SEMA6D: variants seen among roughly 807,000 people sequenced by gnomAD.
SEMA6D encodes the protein semaphorin 6D, also known as semaphorin-6D.
Under a neutral mutation model 106.6 loss-of-function variants are expected in SEMA6D, and 35 were observed. The observed-to-expected ratio is 0.33, with a 90% CI of 0.25 to 0.44. The LOEUF is 0.44. SEMA6D is among the 20% of genes least tolerant of loss of function. SEMA6D has a pLI of 1.00. For synonymous variants in SEMA6D, 499 were observed against 487.7 expected (o/e 1.02, Z -0.31); for missense variants, 1,185 against 1,345.9 (o/e 0.88, Z 1.87).
chr15:47,439,207 T>G (rs1313136994), intron 2 of SEMA6D, among the ~76,000 whole-genome samples: 1 of 152,156 alleles, frequency 6.6e-6, no homozygotes, highest in African/African-American at 2.4e-5. Flanking sequence ...ATTTATTTCA[T>G]TAGCAATGTT....
At chr15:47,469,662 G>A (rs16959549) in intron 2 of SEMA6D, among the ~76,000 whole-genome samples, 49,518 of 151,794 alleles carry the variant, frequency 0.33, 8,237 homozygotes, top group Middle Eastern at 0.45. Flanking sequence ...GTACTTTGCT[G>A]GATATTGGAG....
chr15:47,314,320 C>T (rs116531000), intron 1 of SEMA6D, among the ~76,000 whole-genome samples: 2,207 of 152,004 alleles, frequency 0.015, 54 homozygotes, highest in African/African-American at 0.05. Flanking sequence ...CTTTGTAGAC[C>T]GGGCGCGGTG....
chr15:47,390,289 T>C (rs1007192762), intron 1 of SEMA6D, among the ~76,000 whole-genome samples: 10 of 152,170 alleles, frequency 6.6e-5, no homozygotes, highest in African/African-American at 2.2e-4. Flanking sequence ...TGAGCCCAAC[T>C]GTGTGAGCAC....
chr15:47,712,211 A>G (rs193300092), intron 4 of SEMA6D, among the ~76,000 whole-genome samples: 1 of 152,322 alleles, frequency 6.6e-6, no homozygotes, highest in African/African-American at 2.4e-5. Context: ...TTGACATTGA[A>G]GCACACATTT....
In SEMA6D at chr15:47,360,497, A is replaced by T. The variant is rs58781465; in HGVS notation, c.-238-51896A>T. Among the ~76,000 whole-genome samples the T allele has an allele frequency of 6.2e-3, 945 of 152,352 alleles. 2 individuals carry two copies. Among genetic ancestry groups the T allele is most frequent in the African/African-American group, 0.022 (903 of 41,578 alleles). On this transcript the variant is annotated intron_variant, in intron 1 of 19. Transcript: ENST00000558014. ...TTCAAATGCTCAGTCACCACATGTG[A>T]TTAATGGCTATCATACTGAATAGCA... is the stretch of plus-strand genomic sequence containing the variant.
intron 1 of SEMA6D, among the ~76,000 whole-genome samples, chr15:47,742,780 T>G (rs1007216232): frequency 6.6e-6 from 1 of 152,154 alleles, no homozygotes; most frequent in Non-Finnish European, 1.5e-5. Context: ...CCTTTCTTAC[T>G]CTGGTTGTAA....
chr15:47,438,283 C>G (rs948558813), intron 2 of SEMA6D, among the ~76,000 whole-genome samples: 7 of 152,094 alleles, frequency 4.6e-5, no homozygotes, highest in African/African-American at 1.7e-4. Flanking sequence ...ACCATCATCT[C>G]TTGATTGTAA....
chr15:47,537,343 T>A (rs1364851577), intron 3 of SEMA6D, among the ~76,000 whole-genome samples: 2 of 152,192 alleles, frequency 1.3e-5, no homozygotes. Flanking sequence ...GGCAAGATGC[T>A]GTTTAGTCAG....
At chr15:47,690,319 G>A (rs559991112) in intron 4 of SEMA6D, among the ~76,000 whole-genome samples, 3 of 152,240 alleles carry the variant, frequency 2.0e-5, no homozygotes, top group South Asian at 4.2e-4. Flanking sequence ...GATGGGAAAG[G>A]AATAGCATTT....
intron 1 of SEMA6D, among the ~76,000 whole-genome samples, chr15:47,386,979 G>T (rs1424859236): frequency 2.0e-5 from 3 of 152,232 alleles, no homozygotes; most frequent in Non-Finnish European, 4.4e-5. Flanking sequence ...GTCATTGTGG[G>T]TGTTGGCCCA....
intron 1 of SEMA6D, among the ~76,000 whole-genome samples, chr15:47,224,653 C>T (rs778702512): frequency 2.0e-5 from 3 of 151,944 alleles, no homozygotes; most frequent in Non-Finnish European, 2.9e-5. Context: ...TCTTGTCACA[C>T]GGTAGATGCT....
At chr15:47,448,328 G>A (rs1356120373) in intron 2 of SEMA6D, among the ~76,000 whole-genome samples, 3 of 151,992 alleles carry the variant, frequency 2.0e-5, no homozygotes, top group Non-Finnish European at 2.9e-5. Flanking sequence ...TATGACCTGG[G>A]CACAGCTGAT....
At chr15:47,440,775 T>C (rs1024598615) in intron 2 of SEMA6D, among the ~76,000 whole-genome samples, 5 of 152,076 alleles carry the variant, frequency 3.3e-5, no homozygotes, top group Admixed American at 2.0e-4. Flanking sequence ...TGAAAAACAT[T>C]AGTGGTAAGG....
chr15:47,362,669 C>A (rs2038858471), intron 1 of SEMA6D, among the ~76,000 whole-genome samples: 1 of 152,156 alleles, frequency 6.6e-6, no homozygotes, highest in South Asian at 2.1e-4. Flanking sequence ...GCCTCCTAAC[C>A]ACCGGTTTGG....
intron 3 of SEMA6D, among the ~76,000 whole-genome samples, chr15:47,550,958 G>C (rs1268658011): frequency 6.6e-6 from 1 of 152,058 alleles, no homozygotes; most frequent in Non-Finnish European, 1.5e-5. Flanking sequence ...CCATAAAATA[G>C]GCATAAATTC....
intron 1 of SEMA6D, chr15:47,730,461 C>G: frequency 7.4e-7 from 1 of 1,353,756 alleles, no homozygotes; most frequent in South Asian, 1.2e-5. Context: ...ATGGGATCCA[C>G]GTCGTGTGCA....
In SEMA6D at chr15:47,774,172, T is replaced by C. The variant is rs549271846; in HGVS notation, c.*2387T>C. On this transcript the variant is annotated 3_prime_UTR_variant, in exon 19 of 19. Coordinates refer to ENST00000536845, the MANE Select transcript of SEMA6D (RefSeq NM_001358351.3). Reference sequence around the variant, plus strand: ...GTGGATGTGTAAATAATATGTACTTTGGGTTTTTAACACCGCATGTAAAGT... The same window carrying C: ...GTGGATGTGTAAATAATATGTACTTCGGGTTTTTAACACCGCATGTAAAGT... The C allele has an allele frequency of 3.9e-5, 6 of 152,768 alleles. No homozygotes were observed. In the South Asian group the frequency reaches 1.0e-3, roughly 26 times the overall value. 9.5% of individuals were successfully genotyped at this position (152,768 alleles called of 1,614,324 possible). A position where few individuals can be genotyped will look rare whatever the true frequency, so the allele number is the denominator to read the frequency against.
intron 3 of SEMA6D, among the ~76,000 whole-genome samples, chr15:47,560,892 G>T (rs2046060107): frequency 6.6e-6 from 1 of 151,990 alleles, no homozygotes; most frequent in African/African-American, 2.4e-5. Context: ...AGAAGCCAGG[G>T]AAGGGGCATG....
chr15:47,431,756 C>T lies in SEMA6D; in HGVS notation c.-159+19284C>T, dbSNP rs892275256. 8.5e-5 allele frequency among the ~76,000 whole-genome samples: 13 copies of T among 152,162 alleles called. No individual in the cohort carries two copies. In the East Asian group the frequency reaches 9.7e-4, roughly 11 times the overall value. On this transcript the variant is annotated intron_variant, in intron 2 of 19. Coordinates refer to the SEMA6D transcript ENST00000558014. ...AATGCCTTCTCTTGATTCACATGCA[C>T]GAAAGAAATGCACAGTTTAGACTTC...
Sources: allele counts gnomAD v4.1 joint callset (sites outside exome capture counted in the v4.1 genomes callset), GRCh38; gene constraint gnomAD v4.1.1; transcripts MANE v1.5; gene names NCBI Gene and HGNC (gene_info 2026-07-23, HGNC 2026-07-21).